Variants in HIPK3 observed in about 807,000 individuals in gnomAD.
The protein encoded by HIPK3 is homeodomain-interacting protein kinase 3.
Under a neutral mutation model 124.2 loss-of-function variants are expected in HIPK3, and 47 were observed. That is an observed-to-expected ratio of 0.38 (90% confidence interval 0.30 to 0.48). HIPK3 has a LOEUF of 0.48. HIPK3 is among the 20% of genes least tolerant of loss of function. The pLI, the probability that HIPK3 is intolerant of heterozygous loss-of-function variation, is 0.98. For missense variants in HIPK3, 1,286 were observed against 1,454.3 expected (o/e 0.88, Z 1.88); for synonymous variants, 482 against 515.2 (o/e 0.94, Z 0.87).
At chr11:33,350,885 T>C (rs1170438519) in intron 14 of HIPK3, among the ~76,000 whole-genome samples, 1 of 152,118 alleles carries the variant, frequency 6.6e-6, no homozygotes, top group African/African-American at 2.4e-5. Flanking sequence ...GGTTTGAAAA[T>C]TGATAATGTA....
intron 2 of HIPK3, 118 bp downstream of exon 2, chr11:33,287,629 A>C: frequency 8.8e-7 from 1 of 1,134,630 alleles, no homozygotes; most frequent in Non-Finnish European, 1.3e-6. Flanking sequence ...GGAAATCAAG[A>C]GAGGATCAAT....
intron 8 of HIPK3, 22 bp downstream of exon 8, chr11:33,341,708 G>T: frequency 6.3e-7 from 1 of 1,583,564 alleles, no homozygotes; most frequent in Non-Finnish European, 8.6e-7. Context: ...TTTAAATTTT[G>T]CTTTGAATCT....
chr11:33,300,287 G>C (rs1378017633), intron 2 of HIPK3, among the ~76,000 whole-genome samples: 1 of 151,868 alleles, frequency 6.6e-6, no homozygotes, highest in Non-Finnish European at 1.5e-5. Context: ...CGGAGGTTGC[G>C]GTGAGCTGAG....
intron 3 of HIPK3, among the ~76,000 whole-genome samples, chr11:33,331,424 A>G (rs1852980153): frequency 6.6e-6 from 1 of 152,168 alleles, no homozygotes; most frequent in Non-Finnish European, 1.5e-5. Flanking sequence ...TCTAGGCTGG[A>G]ATGCAGTGGC....
intron 3 of HIPK3, among the ~76,000 whole-genome samples, chr11:33,331,821 C>T (rs904365739): frequency 6.6e-6 from 1 of 152,174 alleles, no homozygotes; most frequent in East Asian, 1.9e-4. Context: ...ATTTAATGCT[C>T]GTAACAACCC....
At chr11:33,306,136 A>C (rs1351586618) in intron 2 of HIPK3, among the ~76,000 whole-genome samples, 1 of 152,244 alleles carries the variant, frequency 6.6e-6, no homozygotes, top group Non-Finnish European at 1.5e-5. Flanking sequence ...TAATATACTT[A>C]AATGAGAATT....
chr11:33,285,461 G>T (rs772797557), intron 1 of HIPK3, among the ~76,000 whole-genome samples: 1 of 151,716 alleles, frequency 6.6e-6, no homozygotes, highest in Admixed American at 6.6e-5. Context: ...AAGATCAAAG[G>T]ATAATATTTT....
intron 9 of HIPK3, 67 bp from the exon 10 acceptor site, chr11:33,347,562 T>C: frequency 6.3e-7 from 1 of 1,583,058 alleles, no homozygotes; most frequent in Non-Finnish European, 8.6e-7. Context: ...GTTTTGAGTT[T>C]AAGATATGGT....
intron 1 of HIPK3, among the ~76,000 whole-genome samples, chr11:33,263,926 T>G (rs1337965382): frequency 6.6e-6 from 1 of 152,228 alleles, no homozygotes; most frequent in Non-Finnish European, 1.5e-5. Context: ...GTGTGAAGAC[T>G]ATAGAACATA....
rs1257642929 is a variant in HIPK3 at position 33,257,422 on chromosome 11, C to G, written c.-470C>G. On this transcript the variant is annotated 5_prime_UTR_variant, in exon 1 of 17. Transcript: ENST00000303296. ...GTGACGACTGCCGGCATCGCGGCGA[C>G]CTGAGGAGATCAAGCCGCAGGCCCC... 1.0e-6 allele frequency: 1 copy of G among 985,080 alleles called. No homozygotes were observed. Among genetic ancestry groups the G allele is most frequent in the African/African-American group, 1.7e-5 (1 of 57,220 alleles). The allele number at this position is 985,080 out of a possible 1,614,324, so 61.0% of individuals were successfully genotyped here.
intron 1 of HIPK3, among the ~76,000 whole-genome samples, chr11:33,264,727 C>T (rs1850910608): frequency 6.6e-6 from 1 of 152,140 alleles, no homozygotes; most frequent in Non-Finnish European, 1.5e-5. Context: ...CTTCCCCCTA[C>T]TTGGTTGTAT....
At chr11:33,288,784 A>G (rs974167613) in intron 2 of HIPK3, among the ~76,000 whole-genome samples, 1 of 152,360 alleles carries the variant, frequency 6.6e-6, no homozygotes, top group South Asian at 2.1e-4. Flanking sequence ...TTATTTTCAT[A>G]TAAGCCTGAG....
intron 2 of HIPK3, among the ~76,000 whole-genome samples, chr11:33,292,127 A>C (rs1851714778): frequency 6.6e-6 from 1 of 152,154 alleles, no homozygotes; most frequent in Non-Finnish European, 1.5e-5. Context: ...ATTTTTTCAA[A>C]GTGCCTTTCG....
At chr11:33,349,070 A>T in intron 13 of HIPK3, 77 bp from the exon 14 acceptor site, 1 of 1,328,456 alleles carries the variant, frequency 7.5e-7, no homozygotes. Context: ...ATCCTTAATT[A>T]AAGAATATAA....
At chr11:33,279,277 T>TGCACTCCA (rs542636720) in intron 1 of HIPK3, among the ~76,000 whole-genome samples, 6 of 137,652 alleles carry the variant, frequency 4.4e-5, no homozygotes, top group African/African-American at 1.4e-4. Context: ...ATCACGCTAC[T>TGCACTCCA]GCACTCCAGC....
chr11:33,302,339 C>CTTTTT (rs374964013), intron 2 of HIPK3, among the ~76,000 whole-genome samples: 23 of 121,178 alleles, frequency 1.9e-4, no homozygotes, highest in East Asian at 4.8e-4. Context: ...TAATTCCTTA[C>CTTTTT]TTCTTTTTTT....
intron 8 of HIPK3, among the ~76,000 whole-genome samples, chr11:33,346,223 T>C (rs1853487922): frequency 6.6e-6 from 1 of 152,164 alleles, no homozygotes; most frequent in South Asian, 2.1e-4. Flanking sequence ...AAAACAGCTA[T>C]ATTAACATTA....
intron 4 of HIPK3, among the ~76,000 whole-genome samples, chr11:33,338,478 C>T (rs761943150): frequency 1.3e-4 from 20 of 151,756 alleles, no homozygotes; most frequent in Non-Finnish European, 2.2e-4. Flanking sequence ...GTGATCCACC[C>T]GCCTTGGCCT....
chr11:33,348,762 C>T lies in HIPK3; in HGVS notation c.2610C>T (p.Ile870=). The T allele has an allele frequency of 1.9e-6, 3 of 1,614,144 alleles. No homozygotes were observed. In the South Asian group the frequency reaches 3.3e-5, roughly 18 times the overall value. ...ADSPSPAVSV[I]TISSDTDEEE... Reference sequence around the variant, plus strand: ...CCCCGAGTCCTGCAGTGAGTGTCATCACTATCAGCAGTGACACTGATGAGG... The same window carrying T: ...CCCCGAGTCCTGCAGTGAGTGTCATTACTATCAGCAGTGACACTGATGAGG... The change falls in exon 13 of 17, where the codon ATC becomes ATT. Residue 870 remains isoleucine, a synonymous_variant. Transcript: ENST00000303296.
Sources: gnomAD v4.1 joint callset for allele counts (sites outside exome capture counted in the v4.1 genomes callset) on GRCh38, gnomAD v4.1.1 for gene constraint, MANE v1.5 for transcripts, NCBI Gene and HGNC (gene_info 2026-07-23, HGNC 2026-07-21) for gene names.